TRIM31: variants seen among roughly 807,000 people sequenced by gnomAD.
TRIM31 encodes tripartite motif containing 31, also known as E3 ubiquitin-protein ligase TRIM31.
TRIM31 carries 31 observed loss-of-function variants against 40.6 expected under a neutral mutation model. The observed-to-expected ratio is 0.76, with a 90% CI of 0.57 to 1.03. The LOEUF (loss-of-function observed/expected upper bound fraction) is 1.03, where lower values mean the gene tolerates loss of function less well. Ranked by LOEUF, TRIM31 falls within the 50% of genes least tolerant of loss-of-function variation. The pLI is 0.00. For missense variants in TRIM31, 455 were observed against 497.5 expected (o/e 0.91, Z 0.81); for synonymous variants, 164 against 193.9 (o/e 0.85, Z 1.28).
At position 30,112,972 on chromosome 6, in the gene TRIM31, G is replaced by A. The variant is rs938538117; in HGVS notation, c.-83-84C>T. 1.6e-4 allele frequency: 90 copies of A among 577,830 alleles called. No homozygotes were observed. In the African/African-American group the frequency reaches 1.6e-3, roughly 10 times the overall value. 35.8% of individuals were successfully genotyped at this position (577,830 alleles called of 1,614,324 possible). Reference sequence around the variant, plus strand: ...GAAGAGCAGAGAGAGAGGAAAAGAAGAGGGAGAAAAAAATAAAGAAATGAT... The same window carrying A: ...GAAGAGCAGAGAGAGAGGAAAAGAAAAGGGAGAAAAAAATAAAGAAATGAT... On this transcript the variant is annotated intron_variant, in intron 1 of 8. Coordinates refer to ENST00000376734, the MANE Select transcript of TRIM31 (RefSeq NM_007028.5).
At chr6:30,107,864 A>G (rs2240069) in intron 6 of TRIM31, 189 bp downstream of exon 6, 486,876 of 578,368 alleles carry the variant, frequency 0.84, 205,807 homozygotes, top group South Asian at 0.9. Flanking sequence ...AACATATCAC[A>G]AAGACAGAAT....
intron 3 of TRIM31, 129 bp from the exon 4 acceptor site, chr6:30,110,807 T>C (rs1769228410): frequency 2.3e-6 from 2 of 851,994 alleles, no homozygotes; most frequent in African/African-American, 1.7e-5. Flanking sequence ...AGGGCAGACC[T>C]GGAAGAAAGG....
chr6:30,111,885 CG>C, intron 2 of TRIM31, 142 bp from the exon 3 acceptor site: 1 of 747,318 alleles, frequency 1.3e-6, no homozygotes, highest in Non-Finnish European at 2.2e-6. Context: ...CTCAAGCTGG[CG>C]GGGAAAGGGG....
intron 6 of TRIM31, 60 bp downstream of exon 6, chr6:30,107,993 T>A: frequency 8.9e-7 from 1 of 1,121,322 alleles, no homozygotes; most frequent in East Asian, 2.4e-5. Flanking sequence ...TTCAGTGGAG[T>A]GAGCAGGGAG....
chr6:30,108,073 C>T lies in TRIM31; in HGVS notation c.863G>A (p.Gly288Glu). The T allele has an allele frequency of 6.2e-7, 1 of 1,604,484 alleles. No individual in the cohort carries two copies. Among genetic ancestry groups the T allele is most frequent in the Non-Finnish European group, 8.5e-7 (1 of 1,172,388 alleles). Reference protein sequence around the residue: ...EAKSRHDSITGSLKKFKDQLQ... With the variant: ...EAKSRHDSITESLKKFKDQLQ... Reference sequence around the variant, plus strand: ...CTTACCTTTGAATTTTTTTAGGCTCCCTGTGATGGAGTCATGTCTTGATTT... The same window carrying T: ...CTTACCTTTGAATTTTTTTAGGCTCTCTGTGATGGAGTCATGTCTTGATTT... The change falls in exon 6 of 9, where the codon GGG becomes GAG. Residue 288 changes from glycine (G) to glutamate (E), a missense_variant. Transcript: ENST00000376734.
At chr6:30,108,022 G>A (rs1768888511) in intron 6 of TRIM31, 31 bp downstream of exon 6, 1 of 1,384,476 alleles carries the variant, frequency 7.2e-7, no homozygotes, top group Non-Finnish European at 1.0e-6. Flanking sequence ...CTGGAAGTAG[G>A]TGAATAGAGA....
At position 30,105,172 on chromosome 6, in the gene TRIM31, C is replaced by T; in HGVS notation, c.954G>A (p.Lys318=). The T allele has an allele frequency of 2.5e-6, 4 of 1,612,388 alleles. No homozygotes were observed. The African/African-American group carries it at 5.3e-5, about 21-fold the overall frequency. The change falls in exon 7 of 9, where the codon AAG becomes AAA. Residue 318 remains lysine (K), a synonymous_variant. Coordinates refer to ENST00000376734, the MANE Select transcript of TRIM31 (RefSeq NM_007028.5). ...FFKSMNKNDM[K]SWGLLQKNNH... The stretch of plus-strand genomic sequence containing the variant: ...CAACCATCATTTCTCACTTACAGCT[C>T]TTCATGTCATTTTTATTCATGCTTT...
chr6:30,105,880 G>A (rs1484573913), intron 6 of TRIM31, among the ~76,000 whole-genome samples: 1 of 152,254 alleles, frequency 6.6e-6, no homozygotes, highest in Non-Finnish European at 1.5e-5. Flanking sequence ...CCACCCAGGA[G>A]CCAGGTGGGG....
intron 7 of TRIM31, 127 bp from the exon 8 acceptor site, chr6:30,104,294 C>A: frequency 1.1e-6 from 1 of 902,434 alleles, no homozygotes; most frequent in Non-Finnish European, 1.7e-6. Context: ...CCATTCCCCA[C>A]CCAGGGGGAA....
chr6:30,103,643 G>A lies in TRIM31; in HGVS notation c.1171C>T (p.Gln391Ter). The A allele has an allele frequency of 6.2e-7, 1 of 1,613,040 alleles. No homozygotes were observed. The highest frequency in any genetic ancestry group is 8.5e-7 in the Non-Finnish European group (1 of 1,180,026). ...DEISGQGASS[Q>*]DTKTFDVALS... is the part of the protein sequence containing the mutation. ...GCAACGTCAAATGTCTTCGTATCCT[G>A]AGAGCTCGCTCCTTGACCAGAAATC... Residue 391 changes from glutamine to a stop codon, truncating the protein, a stop_gained, in exon 9 of 9, where the codon CAG becomes TAG. Coordinates refer to ENST00000376734, the MANE Select transcript of TRIM31 (RefSeq NM_007028.5). LOFTEE classifies it low-confidence loss of function (END_TRUNC).
chr6:30,103,899 TGAAACTCAA>T, intron 8 of TRIM31, 110 bp from the exon 9 acceptor site: 1 of 1,528,210 alleles, frequency 6.5e-7, no homozygotes, highest in South Asian at 1.2e-5. Context: ...GGGATGGAGG[TGAAACTCAA>T]GAAAGTACAC....
At chr6:30,107,912 A>G (rs115296530) in intron 6 of TRIM31, 141 bp downstream of exon 6, 7,813 of 630,926 alleles carry the variant, frequency 0.012, 185 homozygotes, top group African/African-American at 0.068. Flanking sequence ...TGATGCGTGG[A>G]AAGTACTCAG....
intron 8 of TRIM31, 156 bp from the exon 9 acceptor site, chr6:30,103,945 T>C: frequency 7.2e-7 from 1 of 1,382,470 alleles, no homozygotes; most frequent in Admixed American, 2.0e-5. Flanking sequence ...GCCCTCTGTT[T>C]CCTGGCAGAG....
In TRIM31 at chr6:30,103,512, G is replaced by T. The variant is rs781449303; in HGVS notation, c.*24C>A. On this transcript the variant is annotated 3_prime_UTR_variant, in exon 9 of 9. Coordinates refer to ENST00000376734, the MANE Select transcript of TRIM31 (RefSeq NM_007028.5). ...GCTCCGAAGTCCGTGTAGCACCACC[G>T]CTCCCCGTGTTCTCTGAGCTGGCTT... The T allele has an allele frequency of 6.2e-6, 10 of 1,611,084 alleles. No individual in the cohort carries two copies. The East Asian group carries it at 1.6e-4, about 25-fold the overall frequency.
rs761302651 is a variant in TRIM31, at chr6:30,111,701, TCTC to T, written c.457_459del (p.Glu153del). 2.5e-6 allele frequency: 4 copies of T among 1,614,178 alleles called. No individual in the cohort carries two copies. The highest frequency in any genetic ancestry group is 3.4e-6 in the Non-Finnish European group (4 of 1,180,020). On this transcript the variant is annotated inframe_deletion, in exon 3 of 9. Coordinates refer to ENST00000376734, the MANE Select transcript of TRIM31 (RefSeq NM_007028.5). ...TGTGCCTTCACTTGTACTGTCTCCT[TCTC>T]CTTTTGCTGCAAGACTTGGATCTGC... is the stretch of plus-strand genomic sequence containing the variant.
chr6:30,105,690 G>A lies in TRIM31; in HGVS notation c.884-448C>T, dbSNP rs369643426. ...TGAAATTAATGATTCTTCACATATA[G>A]CATGTTTAAATTTGGACTAGCTACA... On this transcript the variant is annotated intron_variant, in intron 6 of 8. Transcript: ENST00000376734. 37 of 153,828 alleles carry A rather than the reference G, an allele frequency of 2.4e-4. 1 individual carries two copies. In the East Asian group the frequency reaches 3.1e-3, roughly 13 times the overall value. 9.5% of individuals were successfully genotyped at this position (153,828 alleles called of 1,614,324 possible).
Position 30,103,469 on chromosome 6 carries a change from C to T in TRIM31, c.*67G>A. 1 of 1,594,556 alleles carries T rather than the reference C, an allele frequency of 6.3e-7. No homozygotes were observed. Among genetic ancestry groups the T allele is most frequent in the Non-Finnish European group, 8.5e-7 (1 of 1,170,762 alleles). Reference sequence around the variant, plus strand: ...AGAACCGTGGTCGGTCTCAGCCACTCACTCAGCGCCACTCTATGCTCCGAA... The same window carrying T: ...AGAACCGTGGTCGGTCTCAGCCACTTACTCAGCGCCACTCTATGCTCCGAA... On this transcript the variant is annotated 3_prime_UTR_variant, in exon 9 of 9. Coordinates refer to ENST00000376734, the MANE Select transcript of TRIM31 (RefSeq NM_007028.5).
chr6:30,105,351 C>T, intron 6 of TRIM31, 109 bp from the exon 7 acceptor site: 1 of 780,832 alleles, frequency 1.3e-6, no homozygotes, highest in Non-Finnish European at 2.1e-6. Context: ...GAAGTAGAAG[C>T]TGCATTTGAC....
At chr6:30,109,863 AAAAAT>A (rs749295145) in intron 4 of TRIM31, among the ~76,000 whole-genome samples, 4 of 152,146 alleles carry the variant, frequency 2.6e-5, no homozygotes, top group Non-Finnish European at 4.4e-5. Context: ...TTCCATCTCA[AAAAAT>A]AAAATAAAAT....
Sources: allele counts gnomAD v4.1 joint callset (sites outside exome capture counted in the v4.1 genomes callset), GRCh38; gene constraint gnomAD v4.1.1; transcripts MANE v1.5; gene names NCBI Gene and HGNC (gene_info 2026-07-23, HGNC 2026-07-21).